The following IQGAP1 variants were observed in gnomAD, a reference collection of about 807,000 sequenced individuals.
IQGAP1 encodes the protein IQ motif containing GTPase activating protein 1, also known as ras GTPase-activating-like protein IQGAP1.
Under a neutral mutation model 215.6 loss-of-function variants are expected in IQGAP1, and 66 were observed. The observed-to-expected ratio is 0.31, with a 90% CI of 0.25 to 0.38. The LOEUF is 0.38. Among genes scored for constraint, IQGAP1 ranks in the 10% least tolerant of loss-of-function variants. IQGAP1 has a pLI of 1.00. For missense variants in IQGAP1, 1,712 were observed against 1,997.1 expected (o/e 0.86, Z 2.72); for synonymous variants, 772 against 728.7 (o/e 1.06, Z -0.96).
intron 36 of IQGAP1, among the ~76,000 whole-genome samples, chr15:90,495,549 A>T (rs543310480): frequency 6.6e-6 from 1 of 151,882 alleles, no homozygotes; most frequent in Admixed American, 6.6e-5. Context: ...ATTTTTTTCT[A>T]TTCACATAAA....
intron 15 of IQGAP1, among the ~76,000 whole-genome samples, chr15:90,463,400 G>A (rs1438802959): frequency 6.6e-6 from 1 of 152,166 alleles, no homozygotes; most frequent in East Asian, 1.9e-4. Context: ...TGATTCTGTG[G>A]AAATGCTTCT....
chr15:90,462,177 G>A (rs12905907), intron 15 of IQGAP1, among the ~76,000 whole-genome samples: 2 of 151,884 alleles, frequency 1.3e-5, no homozygotes, highest in African/African-American at 4.8e-5. Flanking sequence ...CAAAAAAAAA[G>A]AATGACTTAA....
chr15:90,489,666 G>T (rs998610249), intron 33 of IQGAP1, among the ~76,000 whole-genome samples: 4 of 152,158 alleles, frequency 2.6e-5, no homozygotes, highest in African/African-American at 9.7e-5. Context: ...AGAACTATTT[G>T]GAAACCATTG....
intron 2 of IQGAP1, among the ~76,000 whole-genome samples, chr15:90,403,512 A>T (rs76262027): frequency 0.035 from 5,266 of 152,276 alleles, 271 homozygotes; most frequent in African/African-American, 0.12. Flanking sequence ...ACTGAAAAAA[A>T]GTCTATATCC....
intron 18 of IQGAP1, among the ~76,000 whole-genome samples, chr15:90,471,276 G>A (rs1965900596): frequency 6.6e-6 from 1 of 152,076 alleles, no homozygotes; most frequent in African/African-American, 2.4e-5. Flanking sequence ...TTTGTGCTCT[G>A]TCATTCTTAG....
At chr15:90,454,694 G>A in intron 14 of IQGAP1, 142 bp downstream of exon 14, 1 of 930,252 alleles carries the variant, frequency 1.1e-6, no homozygotes, top group Admixed American at 2.9e-5. Context: ...GCTAAAGTTG[G>A]ATATTGTTTT....
At chr15:90,493,087 A>G (rs916363253) in intron 35 of IQGAP1, among the ~76,000 whole-genome samples, 6 of 152,112 alleles carry the variant, frequency 3.9e-5, no homozygotes. Context: ...TACTAAAAAT[A>G]TACAAATTAG....
At chr15:90,484,996 T>C (rs1010488334) in intron 30 of IQGAP1, among the ~76,000 whole-genome samples, 1 of 152,216 alleles carries the variant, frequency 6.6e-6, no homozygotes, top group African/African-American at 2.4e-5. Flanking sequence ...TACTCTTCTT[T>C]CTTTTTACCC....
chr15:90,484,620 T>G (rs896986317), intron 30 of IQGAP1, among the ~76,000 whole-genome samples: 52 of 152,164 alleles, frequency 3.4e-4, no homozygotes, highest in African/African-American at 1.2e-3. Flanking sequence ...ACCATTCTCC[T>G]GCCTCAGCCT....
In IQGAP1 at chr15:90,438,627, T is replaced by C. The variant is rs542233614; in HGVS notation, c.468-705T>C. On this transcript the variant is annotated intron_variant, in intron 5 of 37. Transcript: ENST00000268182. Reference sequence around the variant, plus strand: ...TAAGATTTGCCATCTGAATCATTTTTATGAAGCTTTTCTAAAATGTCTTAT... The same window carrying C: ...TAAGATTTGCCATCTGAATCATTTTCATGAAGCTTTTCTAAAATGTCTTAT... Among the ~76,000 whole-genome samples the C allele has an allele frequency of 5.3e-5, 8 of 152,364 alleles. No individual in the cohort carries two copies. In the South Asian group the frequency reaches 1.7e-3, roughly 32 times the overall value.
At chr15:90,461,825 A>G (rs992390437) in intron 15 of IQGAP1, among the ~76,000 whole-genome samples, 18 of 151,564 alleles carry the variant, frequency 1.2e-4, no homozygotes, top group African/African-American at 4.4e-4. Context: ...GCTGCATCTC[A>G]AAAAGGAAGA....
At chr15:90,406,584 G>A (rs1428580880) in intron 2 of IQGAP1, among the ~76,000 whole-genome samples, 3 of 152,210 alleles carry the variant, frequency 2.0e-5, no homozygotes, top group Non-Finnish European at 4.4e-5. Context: ...GTTACGAATC[G>A]TATCTCAGCA....
At chr15:90,499,563 T>G (rs931554086) in intron 37 of IQGAP1, among the ~76,000 whole-genome samples, 2 of 152,252 alleles carry the variant, frequency 1.3e-5, no homozygotes, top group Non-Finnish European at 2.9e-5. Flanking sequence ...CCGTGCTTAG[T>G]ATATTTCATC....
At chr15:90,498,926 C>T (rs1481531053) in intron 37 of IQGAP1, among the ~76,000 whole-genome samples, 1 of 152,150 alleles carries the variant, frequency 6.6e-6, no homozygotes, top group Non-Finnish European at 1.5e-5. Context: ...TCTCCTGCCT[C>T]AGCCTCCTGA....
At chr15:90,436,227 T>C (rs974870339) in intron 5 of IQGAP1, among the ~76,000 whole-genome samples, 2 of 152,198 alleles carry the variant, frequency 1.3e-5, no homozygotes, top group African/African-American at 4.8e-5. Context: ...TGTAAGCTCA[T>C]TTGTCTCCTT....
intron 2 of IQGAP1, among the ~76,000 whole-genome samples, chr15:90,396,008 G>A (rs542528501): frequency 4.6e-5 from 7 of 152,322 alleles, no homozygotes; most frequent in African/African-American, 1.7e-4. Flanking sequence ...TCTTGTAGAA[G>A]GGAAGGTAGG....
chr15:90,480,916 C>T (rs1966049130), intron 26 of IQGAP1, among the ~76,000 whole-genome samples: 1 of 152,208 alleles, frequency 6.6e-6, no homozygotes, highest in South Asian at 2.1e-4. Context: ...GATCCACCCG[C>T]CTCGGCCTCC....
At chr15:90,421,636 C>A (rs918191181) in intron 2 of IQGAP1, among the ~76,000 whole-genome samples, 1 of 152,186 alleles carries the variant, frequency 6.6e-6, no homozygotes, top group Non-Finnish European at 1.5e-5. Context: ...CCATTTCAGG[C>A]TGGTCAGACC....
chr15:90,452,058 G>T (rs1965611336), intron 11 of IQGAP1, among the ~76,000 whole-genome samples: 1 of 152,154 alleles, frequency 6.6e-6, no homozygotes, highest in Non-Finnish European at 1.5e-5. Context: ...TCGATCTCCT[G>T]ACCTCGTGAT....
Sources: gnomAD v4.1 joint callset for allele counts (sites outside exome capture counted in the v4.1 genomes callset) on GRCh38, gnomAD v4.1.1 for gene constraint, MANE v1.5 for transcripts, NCBI Gene and HGNC (gene_info 2026-07-23, HGNC 2026-07-21) for gene names.